The following HDAC9 variants were observed in gnomAD, a reference collection of about 807,000 sequenced individuals.
The protein encoded by HDAC9 is histone deacetylase 9.
A neutral mutation model predicts 139.4 loss-of-function variants in HDAC9; 41 were observed. The ratio of observed to expected loss-of-function variants is 0.29; its 90% CI spans 0.23 to 0.38. The LOEUF (loss-of-function observed/expected upper bound fraction) is 0.38, where lower values mean the gene tolerates loss of function less well. Among genes scored for constraint, HDAC9 ranks in the 10% least tolerant of loss-of-function variants. HDAC9 has a pLI of 1.00. For synonymous variants in HDAC9, 517 were observed against 476.2 expected (o/e 1.09, Z -1.12); for missense variants, 1,147 against 1,297.0 (o/e 0.88, Z 1.78).
chr7:18,695,454 T>G (rs1195784931), intron 12 of HDAC9, among the ~76,000 whole-genome samples: 2 of 152,186 alleles, frequency 1.3e-5, no homozygotes, highest in Non-Finnish European at 1.5e-5. Flanking sequence ...TGACTCAACA[T>G]TTTTGGAGAT....
At chr7:18,385,838 A>G (rs1785872937) in intron 1 of HDAC9, among the ~76,000 whole-genome samples, 2 of 152,084 alleles carry the variant, frequency 1.3e-5, no homozygotes, top group South Asian at 4.1e-4. Context: ...ATTTCCTAGC[A>G]TAGGACCTGC....
chr7:18,719,318 T>C (rs1784948305), intron 12 of HDAC9, among the ~76,000 whole-genome samples: 1 of 149,754 alleles, frequency 6.7e-6, no homozygotes, highest in Admixed American at 6.7e-5. Context: ...AATTAACCTA[T>C]TTTTTTCTCT....
chr7:18,996,120 C>T lies in HDAC9; in HGVS notation c.*58C>T. 3.1e-6 allele frequency: 4 copies of T among 1,289,608 alleles called. No homozygotes were observed. The highest frequency in any genetic ancestry group is 4.4e-6 in the Non-Finnish European group (4 of 903,552). 79.9% of individuals were successfully genotyped at this position (1,289,608 alleles called of 1,614,324 possible). A position where few individuals can be genotyped will look rare whatever the true frequency, so the allele number is the denominator to read the frequency against. ...GTGACATCATTGTGTATCCCCCCACCCCAGTACCCTCAGACATGTCTTGTC... is the reference window on the plus strand; with the variant it reads ...GTGACATCATTGTGTATCCCCCCACTCCAGTACCCTCAGACATGTCTTGTC... On this transcript the variant is annotated 3_prime_UTR_variant, in exon 26 of 26. Coordinates refer to ENST00000686413, the MANE Select transcript of HDAC9 (RefSeq NM_178425.4).
At chr7:18,176,908 A>T (rs951387894) in intron 2 of HDAC9, among the ~76,000 whole-genome samples, 2 of 152,232 alleles carry the variant, frequency 1.3e-5, no homozygotes, top group African/African-American at 4.8e-5. Context: ...TGGTATGTCA[A>T]TGAAAGAACC....
rs1784728277 is a variant in HDAC9 at position 18,127,263 on chromosome 7, G to T, written c.-96-34966G>T. On this transcript the variant is annotated intron_variant, in intron 1 of 12. Transcript: ENST00000417496. ...GCATAAGTATGTCCCAAATATTGTT[G>T]TCCTAAATATTGTGTGGGCCATACA... 3 of 170,058 alleles carry T rather than the reference G, an allele frequency of 1.8e-5. No individual in the cohort carries two copies. The Admixed American group carries it at 2.0e-4, about 11-fold the overall frequency. 10.5% of individuals were successfully genotyped at this position (170,058 alleles called of 1,614,324 possible).
chr7:18,798,472 C>T (rs932490753), intron 17 of HDAC9, among the ~76,000 whole-genome samples: 5 of 152,132 alleles, frequency 3.3e-5, no homozygotes, highest in African/African-American at 7.2e-5. Context: ...TTTCTAGGTC[C>T]ATGGTAGCCT....
chr7:18,556,590 C>G (rs1259988022), intron 2 of HDAC9, among the ~76,000 whole-genome samples: 1 of 151,724 alleles, frequency 6.6e-6, no homozygotes, highest in Non-Finnish European at 1.5e-5. Context: ...ATTAAGTTCA[C>G]TAATTTCTGT....
At chr7:18,629,223 G>T in intron 6 of HDAC9, 127 bp from the exon 7 acceptor site, 2 of 805,344 alleles carry the variant, frequency 2.5e-6, no homozygotes, top group Non-Finnish European at 1.8e-6. Context: ...ATGTGCTTGG[G>T]TTTTTCATTT....
intron 1 of HDAC9, among the ~76,000 whole-genome samples, chr7:18,110,367 C>T (rs1466929972): frequency 6.6e-6 from 1 of 152,136 alleles, no homozygotes; most frequent in Non-Finnish European, 1.5e-5. Flanking sequence ...TATCAAAGTA[C>T]AGAGGAGGGG....
intron 1 of HDAC9, among the ~76,000 whole-genome samples, chr7:18,122,523 T>A (rs1784419902): frequency 6.6e-6 from 1 of 151,716 alleles, no homozygotes; most frequent in Non-Finnish European, 1.5e-5. Flanking sequence ...GAAATGGATA[T>A]TTTTTTTGAT....
At chr7:18,286,355 T>C (rs995185200), upstream of HDAC9, among the ~76,000 whole-genome samples, 5 of 150,402 alleles carry the variant, frequency 3.3e-5, no homozygotes, top group African/African-American at 1.2e-4. Context: ...TTTTCTAAAT[T>C]GTGAAAATTC....
intron 2 of HDAC9, among the ~76,000 whole-genome samples, chr7:18,554,805 G>C (rs759187894): frequency 1.2e-4 from 19 of 152,154 alleles, no homozygotes; most frequent in Non-Finnish European, 2.2e-4. Context: ...GACTGGGTGG[G>C]ATGACTATGA....
At chr7:18,640,431 T>C (rs1282280451) in intron 8 of HDAC9, among the ~76,000 whole-genome samples, 1 of 151,228 alleles carries the variant, frequency 6.6e-6, no homozygotes, top group East Asian at 2.0e-4. Context: ...ACTAGCATTC[T>C]GTCAAGGGCT....
intron 1 of HDAC9, among the ~76,000 whole-genome samples, chr7:18,460,179 C>A (rs898271174): frequency 1.3e-5 from 2 of 151,948 alleles, no homozygotes; most frequent in Non-Finnish European, 2.9e-5. Flanking sequence ...CTTCAGCCTC[C>A]CAAAGTTATG....
chr7:18,599,706 G>A (rs778390074), intron 6 of HDAC9, among the ~76,000 whole-genome samples: 18 of 152,086 alleles, frequency 1.2e-4, no homozygotes, highest in Non-Finnish European at 1.9e-4. Context: ...GGACATTTTT[G>A]TTGCTTCCAA....
chr7:18,654,772 G>T (rs1027188914), intron 11 of HDAC9, among the ~76,000 whole-genome samples: 1 of 152,050 alleles, frequency 6.6e-6, no homozygotes, highest in Non-Finnish European at 1.5e-5. Flanking sequence ...GATTTGCCAC[G>T]ATGAAGAAAT....
At chr7:18,993,365 C>T (rs1332269474) in intron 25 of HDAC9, among the ~76,000 whole-genome samples, 1 of 152,146 alleles carries the variant, frequency 6.6e-6, no homozygotes, top group Admixed American at 6.5e-5. Context: ...ATAAAATTGA[C>T]AATCTAGAGA....
At chr7:18,887,472 C>A (rs1352802606) in intron 22 of HDAC9, among the ~76,000 whole-genome samples, 1 of 152,044 alleles carries the variant, frequency 6.6e-6, no homozygotes, top group African/African-American at 2.4e-5. Flanking sequence ...TCTTTTTATT[C>A]CTAACAGAAA....
Position 18,771,507 on chromosome 7 carries a change from C to T in HDAC9, c.2214+4352C>T, listed in dbSNP as rs540196701. On this transcript the variant is annotated intron_variant, in intron 16 of 25. Transcript: ENST00000686413. ...TATCTTGTCAGAATTAAAATGTAAG[C>T]TCTCCCCTCTTATTTATAAATTTAC... Among the ~76,000 whole-genome samples, 3 of 151,834 alleles carry T rather than the reference C, an allele frequency of 2.0e-5. No homozygotes were observed. In the South Asian group the frequency reaches 6.2e-4, roughly 32 times the overall value.
Sources: gnomAD v4.1 joint callset for allele counts (sites outside exome capture counted in the v4.1 genomes callset) on GRCh38, gnomAD v4.1.1 for gene constraint, MANE v1.5 for transcripts, NCBI Gene and HGNC (gene_info 2026-07-23, HGNC 2026-07-21) for gene names.